Variants in CCDC192 observed in about 807,000 individuals in gnomAD.
The protein encoded by CCDC192 is coiled-coil domain-containing protein 192.
intron 6 of CCDC192, among the ~76,000 whole-genome samples, chr5:127,922,204 C>CAACTTTGATACAGTTGTGA (rs1753741554): frequency 1.3e-5 from 2 of 152,012 alleles, no homozygotes; most frequent in Non-Finnish European, 2.9e-5. Context: ...TGTGACTTTC[C>CAACTTTGATACAGTTGTGA]CTAGATTTTT....
chr5:127,888,461 C>G (rs245173), intron 6 of CCDC192, among the ~76,000 whole-genome samples: 99,896 of 151,716 alleles, frequency 0.66, 32,873 homozygotes, highest in Non-Finnish European at 0.68. Flanking sequence ...CATAAATTCT[C>G]ACGTATAAAT....
chr5:127,782,299 T>C lies in CCDC192; in HGVS notation c.223-14804T>C, dbSNP rs188181017. 3.2e-3 allele frequency among the ~76,000 whole-genome samples: 491 copies of C among 152,256 alleles called. 3 individuals carry two copies. The highest frequency in any genetic ancestry group is 7.7e-3 in the Admixed American group (117 of 15,290). On this transcript the variant is annotated intron_variant, in intron 3 of 6. Coordinates refer to ENST00000514853, the MANE Select transcript of CCDC192 (RefSeq NM_001317938.2). ...TTCCTTTTTTGGATATGTCCTTTCC[T>C]GGTTTTGGTATTAGGGTGATGTTGG...
At chr5:127,907,239 T>A (rs1451207356) in intron 6 of CCDC192, among the ~76,000 whole-genome samples, 1 of 152,178 alleles carries the variant, frequency 6.6e-6, no homozygotes, top group Non-Finnish European at 1.5e-5. Context: ...CTACAGAGAC[T>A]AAACAAATAA....
intron 5 of CCDC192, among the ~76,000 whole-genome samples, chr5:127,816,963 TG>T (rs1380848878): frequency 6.6e-6 from 1 of 152,228 alleles, no homozygotes; most frequent in Non-Finnish European, 1.5e-5. Context: ...CCATGCTATT[TG>T]TTTCTTTAAA....
chr5:127,738,630 C>T (rs1265590710), intron 2 of CCDC192, among the ~76,000 whole-genome samples: 7 of 150,704 alleles, frequency 4.6e-5, no homozygotes, highest in African/African-American at 1.7e-4. Context: ...TTGCTCATTT[C>T]TTTTTATTCT....
intron 3 of CCDC192, among the ~76,000 whole-genome samples, chr5:127,779,124 A>C (rs1756040959): frequency 6.6e-6 from 1 of 151,966 alleles, no homozygotes; most frequent in Non-Finnish European, 1.5e-5. Context: ...TCTCTGCTTT[A>C]ACCTTTATTA....
At chr5:127,709,964 G>A (rs1021039868) in intron 2 of CCDC192, among the ~76,000 whole-genome samples, 10 of 151,984 alleles carry the variant, frequency 6.6e-5, no homozygotes, top group South Asian at 2.1e-4. Flanking sequence ...TCTCATGGAC[G>A]GTATCTACAC....
chr5:127,729,542 T>C (rs1470117447), intron 2 of CCDC192, among the ~76,000 whole-genome samples: 1 of 152,216 alleles, frequency 6.6e-6, no homozygotes, highest in African/African-American at 2.4e-5. Flanking sequence ...TGCAGAACTC[T>C]CCATGTCAAA....
At chr5:127,764,199 G>C (rs1755084872) in intron 3 of CCDC192, among the ~76,000 whole-genome samples, 1 of 152,184 alleles carries the variant, frequency 6.6e-6, no homozygotes, top group African/African-American at 2.4e-5. Context: ...ATTCTGATCT[G>C]TGCTCAAGAG....
At chr5:127,765,027 G>A (rs921438512) in intron 3 of CCDC192, among the ~76,000 whole-genome samples, 2 of 152,162 alleles carry the variant, frequency 1.3e-5, no homozygotes, top group Non-Finnish European at 2.9e-5. Context: ...ATCTCTTGAG[G>A]TTATTGAATG....
At chr5:127,851,749 C>T (rs1262164951) in intron 5 of CCDC192, among the ~76,000 whole-genome samples, 1 of 152,206 alleles carries the variant, frequency 6.6e-6, no homozygotes, top group East Asian at 1.9e-4. Context: ...AACCACTGTG[C>T]CTGGCCTCTT....
chr5:127,864,359 C>T (rs1321723885), intron 5 of CCDC192, among the ~76,000 whole-genome samples: 1 of 152,182 alleles, frequency 6.6e-6, no homozygotes, highest in East Asian at 1.9e-4. Flanking sequence ...AAGTTCCCTC[C>T]CTACCTGCTA....
At chr5:127,939,101 A>C (rs1754278882) in intron 6 of CCDC192, among the ~76,000 whole-genome samples, 1 of 148,470 alleles carries the variant, frequency 6.7e-6, no homozygotes, top group African/African-American at 2.5e-5. Context: ...AAGGCACTCA[A>C]ACCAACATCT....
At chr5:127,725,227 C>T (rs1277950724) in intron 2 of CCDC192, among the ~76,000 whole-genome samples, 1 of 152,018 alleles carries the variant, frequency 6.6e-6, no homozygotes, top group South Asian at 2.1e-4. Flanking sequence ...TCTTTATTTT[C>T]CATAGAGACA....
In CCDC192 at chr5:127,843,656, T is replaced by G. The variant is rs866453208; in HGVS notation, c.412-31882T>G. On this transcript the variant is annotated intron_variant, in intron 5 of 6. Coordinates refer to ENST00000514853, the MANE Select transcript of CCDC192 (RefSeq NM_001317938.2). ...TTTCCTCATATTGGCCGGGCTGGTC[T>G]CGAACTCCTGACCTCAGGTGATCCG... is the stretch of plus-strand genomic sequence containing the variant. Among the ~76,000 whole-genome samples the G allele has an allele frequency of 3.9e-5, 6 of 152,262 alleles. No individual in the cohort carries two copies. The South Asian group carries it at 1.0e-3, about 26-fold the overall frequency.
intron 5 of CCDC192, among the ~76,000 whole-genome samples, chr5:127,833,570 G>T (rs765126920): frequency 6.6e-6 from 1 of 152,092 alleles, no homozygotes; most frequent in East Asian, 1.9e-4. Flanking sequence ...TAGGTAGAAG[G>T]ATAATATTTT....
At chr5:127,808,997 T>G (rs1757939708) in intron 5 of CCDC192, among the ~76,000 whole-genome samples, 1 of 152,168 alleles carries the variant, frequency 6.6e-6, no homozygotes, top group Admixed American at 6.6e-5. Context: ...AAAAAGATAC[T>G]AAGAGATTTA....
At chr5:127,844,567 C>G (rs1003595195) in intron 5 of CCDC192, among the ~76,000 whole-genome samples, 4 of 152,208 alleles carry the variant, frequency 2.6e-5, no homozygotes, top group Non-Finnish European at 5.9e-5. Flanking sequence ...CCAGGTCACT[C>G]TGAGCGACCC....
At chr5:127,874,063 C>G (rs897708044) in intron 5 of CCDC192, among the ~76,000 whole-genome samples, 7 of 152,086 alleles carry the variant, frequency 4.6e-5, no homozygotes, top group African/African-American at 1.4e-4. Context: ...AGACTATCAG[C>G]CTTCATGTTT....
Sources: allele counts gnomAD v4.1 joint callset (sites outside exome capture counted in the v4.1 genomes callset), GRCh38; gene constraint gnomAD v4.1.1; transcripts MANE v1.5; gene names NCBI Gene and HGNC (gene_info 2026-07-23, HGNC 2026-07-21).